The following MMP12 variants were observed in gnomAD, a reference collection of about 807,000 sequenced individuals.
The protein encoded by MMP12 is matrix metallopeptidase 12.
Under a neutral mutation model 45.2 loss-of-function variants are expected in MMP12, and 51 were observed. The observed-to-expected ratio is 1.13, with a 90% CI of 0.90 to 1.42. The LOEUF (loss-of-function observed/expected upper bound fraction) is 1.42, where lower values mean the gene tolerates loss of function less well. MMP12 is among the 40% of genes most tolerant of loss of function. The pLI, the probability that MMP12 is intolerant of heterozygous loss-of-function variation, is 0.00. For synonymous variants in MMP12, 210 were observed against 193.3 expected (o/e 1.09, Z -0.72); for missense variants, 530 against 570.8 (o/e 0.93, Z 0.73).
rs782437294 is a variant in MMP12 at position 102,867,382 on chromosome 11, C to G, written c.799G>C (p.Glu267Gln). ...TCAGGATTTGGCAAGCGTTGGTTCT[C>G]TTTTGGGTCTCCTGAAAATACATTT... The part of the protein sequence containing the change: ...GIQSLYGDPK[E>Q]NQRLPNPDNS... The change falls in exon 6 of 10, where the codon GAG (glutamate) becomes CAG (glutamine). Residue 267 changes from glutamate (E) to glutamine (Q), a missense_variant. Transcript: ENST00000571244. 4 of 1,606,240 alleles carry G rather than the reference C, an allele frequency of 2.5e-6. No individual in the cohort carries two copies. Among genetic ancestry groups the G allele is most frequent in the Non-Finnish European group, 3.4e-6 (4 of 1,177,412 alleles).
At chr11:102,866,258 T>G in intron 7 of MMP12, 57 bp downstream of exon 7, 1 of 1,469,474 alleles carries the variant, frequency 6.8e-7, no homozygotes, top group Non-Finnish European at 9.1e-7. Context: ...TAGTCTCTTC[T>G]CAATTTATTC....
chr11:102,867,143 G>C, intron 6 of MMP12, 127 bp downstream of exon 6: 2 of 800,812 alleles, frequency 2.5e-6, no homozygotes, highest in Non-Finnish European at 3.7e-6. Flanking sequence ...ACTGCCTACA[G>C]AATCGAGTCC....
Position 102,868,194 on chromosome 11 carries a change from T to A in MMP12, c.626-125A>T, listed in dbSNP as rs782185552. ...TTACTTATTTCTTTACCCTTTTGAGTTGGGTTTCTCAATCTCAGCACTTCT... is the reference window on the plus strand; with the variant it reads ...TTACTTATTTCTTTACCCTTTTGAGATGGGTTTCTCAATCTCAGCACTTCT... On this transcript the variant is annotated intron_variant, in intron 4 of 9. Transcript: ENST00000571244. The A allele has an allele frequency of 5.2e-4, 454 of 880,330 alleles. 1 individual carries two copies. Among genetic ancestry groups the A allele is most frequent in the Non-Finnish European group, 6.3e-4 (368 of 581,274 alleles). 54.5% of individuals were successfully genotyped at this position (880,330 alleles called of 1,614,324 possible).
intron 2 of MMP12, among the ~76,000 whole-genome samples, chr11:102,872,304 T>C (rs559469264): frequency 1.3e-5 from 2 of 152,318 alleles, no homozygotes; most frequent in Non-Finnish European, 2.9e-5. Context: ...ATCTTATTTA[T>C]AGTAAATTTA....
At chr11:102,867,869 G>A in intron 5 of MMP12, 39 bp downstream of exon 5, 2 of 1,566,526 alleles carry the variant, frequency 1.3e-6, no homozygotes, top group South Asian at 1.2e-5. Flanking sequence ...ATAAAAGCGA[G>A]TATCTTTATA....
rs1555008434 is a variant in MMP12, at chr11:102,865,839, T to A, written c.1142A>T (p.Asp381Val). The A allele has an allele frequency of 6.2e-7, 1 of 1,612,972 alleles. No homozygotes were observed. The highest frequency in any genetic ancestry group is 8.5e-7 in the Non-Finnish European group (1 of 1,179,408). Residue 381 changes from aspartate to valine, a missense_variant, in exon 8 of 10, where the codon GAT (aspartate) becomes GTT (valine). Transcript: ENST00000571244. This position sits in a 1 kb window ranked among gnomAD's most constrained non-coding sequence, Gnocchi z 4.1. ...FGFPNFVKKI[D>V]AAVFNPRFYR... ...AAAACGTGGGTTAAAAACAGCTGCA[T>A]CAATTTTTTTCACAAAGTTAGGAAA...
intron 4 of MMP12, among the ~76,000 whole-genome samples, chr11:102,868,589 G>A (rs11225442): frequency 0.13 from 19,357 of 151,908 alleles, 1,262 homozygotes; most frequent in Non-Finnish European, 0.14. Flanking sequence ...CAAATATAAG[G>A]CTATCATTAA....
At position 102,867,389 on chromosome 11, in the gene MMP12, G is replaced by A. The variant is rs1466643570; in HGVS notation, c.792C>T (p.Asp264=). Reference sequence around the variant, plus strand: ...TTGGCAAGCGTTGGTTCTCTTTTGGGTCTCCTGAAAATACATTTCGAGAAG... The same window carrying A: ...TTGGCAAGCGTTGGTTCTCTTTTGGATCTCCTGAAAATACATTTCGAGAAG... ...DIRGIQSLYG[D]PKENQRLPNP... is the part of the protein sequence containing the mutation. The change falls in exon 6 of 10, where the codon GAC becomes GAT. Residue 264 remains aspartate (D), a synonymous_variant. Coordinates refer to ENST00000571244, the MANE Select transcript of MMP12 (RefSeq NM_002426.6). 2 of 1,605,342 alleles carry A rather than the reference G, an allele frequency of 1.2e-6. No individual in the cohort carries two copies. The highest frequency in any genetic ancestry group is 1.7e-6 in the Non-Finnish European group (2 of 1,177,116).
intron 6 of MMP12, among the ~76,000 whole-genome samples, chr11:102,867,052 G>A (rs893172115): frequency 3.7e-4 from 57 of 152,110 alleles, no homozygotes; most frequent in African/African-American, 1.3e-3. Context: ...ACTGCAAATC[G>A]TTTTTTACAC....
Position 102,867,253 on chromosome 11 carries a change from T to C in MMP12, c.911+17A>G. 1.3e-6 allele frequency: 2 copies of C among 1,564,610 alleles called. No homozygotes were observed. Among genetic ancestry groups the C allele is most frequent in the Non-Finnish European group, 1.7e-6 (2 of 1,158,704 alleles). ...GGCAGAAACTTTAATATTGGTTAGA[T>C]ATGAAAATGATCCTACCTGTCTTTG... is the stretch of plus-strand genomic sequence containing the variant. On this transcript the variant is annotated intron_variant, in intron 6 of 9. Coordinates refer to ENST00000571244, the MANE Select transcript of MMP12 (RefSeq NM_002426.6).
At chr11:102,873,663 T>A (rs1346558204) in intron 1 of MMP12, among the ~76,000 whole-genome samples, 1 of 152,214 alleles carries the variant, frequency 6.6e-6, no homozygotes, top group Non-Finnish European at 1.5e-5. Context: ...TAGCTAGATT[T>A]ATTCCCGGAA....
intron 4 of MMP12, among the ~76,000 whole-genome samples, chr11:102,868,597 T>C (rs1309027473): frequency 6.6e-6 from 1 of 152,160 alleles, no homozygotes; most frequent in Non-Finnish European, 1.5e-5. Flanking sequence ...AGGCTATCAT[T>C]AAGTTTCAGG....
chr11:102,864,057 C>A lies in MMP12; in HGVS notation c.1312+89G>T. On this transcript the variant is annotated intron_variant, in intron 9 of 9. Transcript: ENST00000571244. ...GGGAACTGCAGAAACCTGTCCCTTT[C>A]CAATTTGGAGCCCTATTCTCTAATC... is the stretch of plus-strand genomic sequence containing the variant. 7 of 1,020,610 alleles carry A rather than the reference C, an allele frequency of 6.9e-6. No homozygotes were observed. In the South Asian group the frequency reaches 1.0e-4, roughly 15 times the overall value. 63.2% of individuals were successfully genotyped at this position (1,020,610 alleles called of 1,614,324 possible). A position where few individuals can be genotyped will look rare whatever the true frequency, so the allele number is the denominator to read the frequency against.
In MMP12 at chr11:102,864,165, T is replaced by C; in HGVS notation, c.1293A>G (p.Ala431=). Residue 431 remains alanine, a synonymous_variant, in exon 9 of 10, where the codon GCA becomes GCG. Transcript: ENST00000571244. Reference sequence around the variant, plus strand: ...ACTTACTGTTTTTAGAGTAGAAGACTGCATCAATTTTAGGCCCGATTCCTT... The same window carrying C: ...ACTTACTGTTTTTAGAGTAGAAGACCGCATCAATTTTAGGCCCGATTCCTT... ...NFQGIGPKID[A]VFYSKNKYYY... The C allele has an allele frequency of 6.2e-7, 1 of 1,612,000 alleles. No homozygotes were observed. The highest frequency in any genetic ancestry group is 8.5e-7 in the Non-Finnish European group (1 of 1,178,122).
chr11:102,863,034 A>G lies in MMP12; in HGVS notation c.*66T>C. 1 of 1,024,996 alleles carries G rather than the reference A, an allele frequency of 9.8e-7. No homozygotes were observed. The highest frequency in any genetic ancestry group is 1.5e-6 in the Non-Finnish European group (1 of 671,798). 63.5% of individuals were successfully genotyped at this position (1,024,996 alleles called of 1,614,324 possible). A position where few individuals can be genotyped will look rare whatever the true frequency, so the allele number is the denominator to read the frequency against. On this transcript the variant is annotated 3_prime_UTR_variant, in exon 10 of 10. Transcript: ENST00000571244. ...CTAAGTAGTGGTACACTGAGGACAT[A>G]GCAAATATGCAATAAATACTTATTA... is the stretch of plus-strand genomic sequence containing the variant.
In MMP12 at chr11:102,874,928, G is replaced by T; in HGVS notation, c.10C>A (p.Leu4Ile). Residue 4 changes from leucine (L) to isoleucine (I), a missense_variant, in exon 1 of 10, where the codon CTT (leucine) becomes ATT (isoleucine). Leu to Ile is a conservative substitution (Grantham distance 5, BLOSUM62 2). Coordinates refer to ENST00000571244, the MANE Select transcript of MMP12 (RefSeq NM_002426.6). MKF[L>I]LILLLQATAS... ...GTGGCCTGCAGGAGCAGTATTAGAA[G>T]AAACTTCATTGTAAACTTCTAAACG... 6.3e-7 allele frequency: 1 copy of T among 1,591,880 alleles called. No homozygotes were observed. The highest frequency in any genetic ancestry group is 2.3e-5 in the East Asian group (1 of 44,320).
At chr11:102,864,771 C>T (rs1291421058) in intron 8 of MMP12, among the ~76,000 whole-genome samples, 1 of 152,216 alleles carries the variant, frequency 6.6e-6, no homozygotes, top group Non-Finnish European at 1.5e-5. Flanking sequence ...CTTTTACCAG[C>T]AAGTGAAAAG....
chr11:102,865,907 T>TA lies in MMP12; in HGVS notation c.1073dup (p.Leu358PhefsTer18). On this transcript the variant is annotated frameshift_variant, in exon 8 of 10. Coordinates refer to ENST00000571244, the MANE Select transcript of MMP12 (RefSeq NM_002426.6). LOFTEE classifies it high-confidence loss of function. The surrounding 1 kb of genome is among the most constrained non-coding windows in gnomAD (Gnocchi z 4.1). ...TCTTGGGATAATTTGGCTCTGGTCT[T>TA]AAATTGCTAATTAACCAGTATTTGT... 1 of 1,612,578 alleles carries TA rather than the reference T, an allele frequency of 6.2e-7. No homozygotes were observed. Among genetic ancestry groups the TA allele is most frequent in the Non-Finnish European group, 8.5e-7 (1 of 1,179,024 alleles).
At position 102,865,535 on chromosome 11, in the gene MMP12, A is replaced by G. The variant is rs1555008385; in HGVS notation, c.1205+241T>C. 6.6e-6 allele frequency among the ~76,000 whole-genome samples: 1 copy of G among 151,992 alleles called. No homozygotes were observed. The highest frequency in any genetic ancestry group is 6.6e-5 in the Admixed American group (1 of 15,256). ...TTTCCACTATGATTAATAAGATGAC[A>G]TTTTATTTAGAGTGTTTTTTTAAAA... On this transcript the variant is annotated intron_variant, in intron 8 of 9. Coordinates refer to ENST00000571244, the MANE Select transcript of MMP12 (RefSeq NM_002426.6). This position sits in a 1 kb window ranked among gnomAD's most constrained non-coding sequence, Gnocchi z 4.1.
Sources: allele counts gnomAD v4.1 joint callset (sites outside exome capture counted in the v4.1 genomes callset), GRCh38; gene constraint gnomAD v4.1.1; non-coding constraint Gnocchi (gnomAD v3.1); transcripts MANE v1.5; gene names NCBI Gene and HGNC (gene_info 2026-07-23, HGNC 2026-07-21).